The following RNF212B variants were observed in gnomAD, a reference collection of about 807,000 sequenced individuals.
The protein encoded by RNF212B is ring finger protein 212B.
In RNF212B, 52 loss-of-function variants were observed where a neutral mutation model predicts 55.5. The ratio of observed to expected loss-of-function variants is 0.94; its 90% CI spans 0.75 to 1.18. RNF212B has a LOEUF of 1.18. Ranked by LOEUF, RNF212B falls within the 50% of genes most tolerant of loss-of-function variation. The probability of loss-of-function intolerance (pLI) is 0.00; values close to 1 mark genes in which losing one functional copy is unlikely to be tolerated. For synonymous variants in RNF212B, 99 were observed against 121.4 expected (o/e 0.82, Z 1.21); for missense variants, 289 against 350.4 (o/e 0.82, Z 1.40).
At chr14:23,195,551 T>C (rs1213024766) in intron 2 of RNF212B, among the ~76,000 whole-genome samples, 2 of 152,194 alleles carry the variant, frequency 1.3e-5, no homozygotes, top group South Asian at 2.1e-4. Context: ...AGTAATTCAA[T>C]TTAGTGCTAA....
chr14:23,207,281 C>T (rs146548925), intron 2 of RNF212B, among the ~76,000 whole-genome samples: 1,590 of 152,224 alleles, frequency 0.01, 15 homozygotes, highest in Middle Eastern at 0.02. Context: ...GAATCCCAAA[C>T]CAGTTTCTTA....
chr14:23,255,414 G>T (rs937795737), intron 4 of RNF212B, among the ~76,000 whole-genome samples: 2 of 152,188 alleles, frequency 1.3e-5, no homozygotes, highest in Admixed American at 6.5e-5. Context: ...CTAGTATGGA[G>T]ATAAAGGAAA....
chr14:23,226,017 C>T (rs993297247), intron 2 of RNF212B, among the ~76,000 whole-genome samples: 45 of 152,098 alleles, frequency 3.0e-4, no homozygotes, highest in South Asian at 2.1e-4. Context: ...TTAAAAAACT[C>T]GGCTGGGCGC....
At chr14:23,218,873 G>C (rs574945854) in intron 2 of RNF212B, among the ~76,000 whole-genome samples, 1 of 151,934 alleles carries the variant, frequency 6.6e-6, no homozygotes, top group Non-Finnish European at 1.5e-5. Context: ...TTAACCCAAA[G>C]AAGAGTACCT....
upstream of RNF212B, among the ~76,000 whole-genome samples, chr14:23,236,511 C>T (rs178762): frequency 0.99 from 150,820 of 152,258 alleles, 74,700 homozygotes; most frequent in Middle Eastern, 1. Context: ...TGAGACTCTG[C>T]TTCAAAAAAC....
At chr14:23,234,402 C>T (rs190403912), upstream of RNF212B, among the ~76,000 whole-genome samples, 116 of 152,022 alleles carry the variant, frequency 7.6e-4, 1 homozygote, top group Non-Finnish European at 1.4e-3. Context: ...GGAAGATTTC[C>T]TGCACACCTA....
intron 1 of RNF212B, among the ~76,000 whole-genome samples, chr14:23,185,663 T>C (rs897881015): frequency 6.6e-6 from 1 of 152,206 alleles, no homozygotes; most frequent in African/African-American, 2.4e-5. Flanking sequence ...AAGGGGGTTA[T>C]GGGATCAAAT....
chr14:23,210,342 T>C (rs112330230), intron 2 of RNF212B, among the ~76,000 whole-genome samples: 1 of 152,144 alleles, frequency 6.6e-6, no homozygotes, highest in African/African-American at 2.4e-5. Flanking sequence ...GACATGACAA[T>C]GAAACGCAGT....
chr14:23,244,445 A>T lies in RNF212B; in HGVS notation c.228+49A>T, dbSNP rs1401341634. ...AATCTGACTCTCCAGGCAAATTCTAATTGCATCTTATTCCTTTATCAAAGG... is the reference window on the plus strand; with the variant it reads ...AATCTGACTCTCCAGGCAAATTCTATTTGCATCTTATTCCTTTATCAAAGG... On this transcript the variant is annotated intron_variant, in intron 4 of 14. Transcript: ENST00000430154. The T allele has an allele frequency of 3.2e-6, 3 of 944,330 alleles. No individual in the cohort carries two copies. The East Asian group carries it at 7.9e-5, about 25-fold the overall frequency. 58.5% of individuals were successfully genotyped at this position (944,330 alleles called of 1,614,324 possible).
intron 5 of RNF212B, among the ~76,000 whole-genome samples, chr14:23,258,882 C>T (rs1194243180): frequency 2.0e-5 from 3 of 151,816 alleles, no homozygotes; most frequent in Non-Finnish European, 4.4e-5. Context: ...TTCTATTTCT[C>T]GGTATCAAAA....
chr14:23,219,970 C>G (rs113922819), intron 2 of RNF212B, among the ~76,000 whole-genome samples: 3,255 of 151,746 alleles, frequency 0.021, 108 homozygotes, highest in African/African-American at 0.072. Context: ...GATCGTTTGA[C>G]GTCAGGAGTT....
At chr14:23,258,905 A>G (rs6573079) in intron 5 of RNF212B, among the ~76,000 whole-genome samples, 86,794 of 151,406 alleles carry the variant, frequency 0.57, 26,145 homozygotes, top group African/African-American at 0.78. Context: ...TGCTTCCCAG[A>G]CCAGGTGCAG....
intron 2 of RNF212B, among the ~76,000 whole-genome samples, chr14:23,220,520 A>T (rs1456364809): frequency 6.6e-6 from 1 of 151,854 alleles, no homozygotes; most frequent in Admixed American, 6.6e-5. Context: ...CAACATAGCG[A>T]GACTCTGTCT....
chr14:23,225,886 C>T (rs8014241), intron 2 of RNF212B, among the ~76,000 whole-genome samples: 13,106 of 152,044 alleles, frequency 0.086, 787 homozygotes, highest in African/African-American at 0.17. Flanking sequence ...GGGATCGATA[C>T]CCTATCTTTC....
chr14:23,271,483 T>TCTTG, intron 14 of RNF212B, among the ~76,000 whole-genome samples: 1 of 134,942 alleles, frequency 7.4e-6, no homozygotes, highest in Middle Eastern at 3.6e-3. Flanking sequence ...AAAAGTCCAG[T>TCTTG]CTTGCCTTTT....
chr14:23,225,759 A>G (rs963179429), intron 2 of RNF212B, among the ~76,000 whole-genome samples: 11 of 152,234 alleles, frequency 7.2e-5, no homozygotes, highest in Non-Finnish European at 1.3e-4. Context: ...TAACAGGGTG[A>G]CTATAGTGAA....
In RNF212B at chr14:23,254,312, C is replaced by A. The variant is rs911927383; in HGVS notation, c.229-4237C>A. ...AAAAACAAAACAAAACAAAACAAAA[C>A]AAAACAAAAAAACAAAAACAAAAAC... On this transcript the variant is annotated intron_variant, in intron 4 of 14. Transcript: ENST00000430154. 5.8e-3 allele frequency among the ~76,000 whole-genome samples: 820 copies of A among 141,870 alleles called. 8 individuals carry two copies. The highest frequency in any genetic ancestry group is 9.5e-3 in the African/African-American group (369 of 38,780). The allele number at this position is 141,870 out of a possible 152,430, so 93.1% of individuals were successfully genotyped here.
intron 4 of RNF212B, among the ~76,000 whole-genome samples, chr14:23,254,452 T>C (rs1437279201): frequency 6.6e-6 from 1 of 152,132 alleles, no homozygotes; most frequent in East Asian, 1.9e-4. Flanking sequence ...GGACCCCATC[T>C]CTATCAAAAT....
In RNF212B at chr14:23,217,257, G is replaced by GGA. The variant is rs1555312328; in HGVS notation, c.-1-23087_-1-23086insAG. Among the ~76,000 whole-genome samples, 2 of 20,826 alleles carry GGA rather than the reference G, an allele frequency of 9.6e-5. 1 individual carries two copies. The highest frequency in any genetic ancestry group is 2.7e-4 in the African/African-American group (2 of 7,278). The allele number at this position is 20,826 out of a possible 152,430, so 13.7% of individuals were successfully genotyped here. ...AGTGGTGGCAGTGGTGGCAGTGGTG[G>GGA]GGGGGGGGCTCCTCTGCCTGTGGAA... On this transcript the variant is annotated intron_variant, in intron 2 of 15. Transcript: ENST00000399910.
Sources: allele counts gnomAD v4.1 joint callset (sites outside exome capture counted in the v4.1 genomes callset), GRCh38; gene constraint gnomAD v4.1.1; transcripts MANE v1.5; gene names NCBI Gene and HGNC (gene_info 2026-07-23, HGNC 2026-07-21).